Variants in CTNNA2 observed in about 807,000 individuals in gnomAD.
CTNNA2 encodes the protein catenin alpha 2.
Under a neutral mutation model 101.0 loss-of-function variants are expected in CTNNA2, and 42 were observed. The ratio of observed to expected loss-of-function variants is 0.42; its 90% confidence interval spans 0.32 to 0.54. The LOEUF (loss-of-function observed/expected upper bound fraction) is 0.54. Ranked by LOEUF, CTNNA2 falls within the 20% of genes least tolerant of loss-of-function variation. The probability of loss-of-function intolerance (pLI) is 0.14; values close to 1 mark genes in which losing one functional copy is unlikely to be tolerated. For synonymous variants in CTNNA2, 450 were observed against 456.4 expected (o/e 0.99, Z 0.18); for missense variants, 871 against 1,223.1 (o/e 0.71, Z 4.29).
chr2:79,480,233 A>C (rs1671094730), intron 4 of CTNNA2, among the ~76,000 whole-genome samples: 3 of 152,050 alleles, frequency 2.0e-5, no homozygotes, highest in African/African-American at 7.2e-5. Context: ...GGAGGGCATT[A>C]ATCTACTCAT....
intron 8 of CTNNA2, among the ~76,000 whole-genome samples, chr2:80,396,860 T>A (rs887634306): frequency 6.6e-6 from 1 of 152,144 alleles, no homozygotes; most frequent in Non-Finnish European, 1.5e-5. Flanking sequence ...CCACAATGAG[T>A]CCAGCAATGA....
intron 17 of CTNNA2, chr2:80,616,500 T>G (rs1391701670): frequency 6.6e-6 from 1 of 151,730 alleles, no homozygotes; most frequent in African/African-American, 2.4e-5. Context: ...CTCAATCTTT[T>G]GTGCTAAGAA....
At chr2:80,635,785 A>G (rs1033245844) in intron 18 of CTNNA2, among the ~76,000 whole-genome samples, 1 of 152,042 alleles carries the variant, frequency 6.6e-6, no homozygotes, top group Non-Finnish European at 1.5e-5. Context: ...CTATGTGTTG[A>G]GAAGAATGCT....
intron 7 of CTNNA2, among the ~76,000 whole-genome samples, chr2:80,128,250 T>C (rs997686599): frequency 6.6e-6 from 1 of 152,204 alleles, no homozygotes; most frequent in Admixed American, 6.5e-5. Context: ...GGTGCTCTAA[T>C]GGTGGAAAGG....
intron 1 of CTNNA2, among the ~76,000 whole-genome samples, chr2:79,607,469 A>G (rs1347798762): frequency 2.6e-5 from 4 of 152,236 alleles, no homozygotes; most frequent in African/African-American, 9.6e-5. Flanking sequence ...CCAAATACAA[A>G]CAGGTAATTT....
intron 2 of CTNNA2, among the ~76,000 whole-genome samples, chr2:79,246,598 G>A (rs1295154345): frequency 6.6e-6 from 1 of 152,174 alleles, no homozygotes; most frequent in Non-Finnish European, 1.5e-5. Flanking sequence ...AAAGGAATGA[G>A]ACATAGGGAA....
chr2:80,418,878 G>T (rs956042466), intron 8 of CTNNA2, among the ~76,000 whole-genome samples: 1 of 152,158 alleles, frequency 6.6e-6, no homozygotes, highest in African/African-American at 2.4e-5. Flanking sequence ...TTATCTTGAA[G>T]AATAATTATA....
chr2:79,342,802 G>A (rs189836028), intron 3 of CTNNA2, among the ~76,000 whole-genome samples: 1 of 152,192 alleles, frequency 6.6e-6, no homozygotes, highest in East Asian at 1.9e-4. Context: ...TTCTACCTTG[G>A]GAGTATTTAC....
chr2:79,354,542 C>G (rs1052966118), intron 3 of CTNNA2, among the ~76,000 whole-genome samples: 1 of 152,140 alleles, frequency 6.6e-6, no homozygotes, highest in Non-Finnish European at 1.5e-5. Flanking sequence ...ATTTTGTTCT[C>G]TCTTAAAATA....
At chr2:79,469,019 T>A (rs1190400211) in intron 4 of CTNNA2, among the ~76,000 whole-genome samples, 1 of 151,720 alleles carries the variant, frequency 6.6e-6, no homozygotes, top group Non-Finnish European at 1.5e-5. Flanking sequence ...AGGCAAGAAA[T>A]AACTAAGATC....
At chr2:80,374,678 C>T (rs982362683) in intron 7 of CTNNA2, among the ~76,000 whole-genome samples, 42 of 143,224 alleles carry the variant, frequency 2.9e-4, no homozygotes, top group East Asian at 8.7e-4. Flanking sequence ...TGCGTGCGTG[C>T]GTGCGTGTGT....
intron 7 of CTNNA2, among the ~76,000 whole-genome samples, chr2:80,013,590 A>G (rs978207738): frequency 1.3e-5 from 2 of 152,142 alleles, no homozygotes; most frequent in Admixed American, 6.5e-5. Flanking sequence ...CCTTCTGCAG[A>G]ACAGTTTTGG....
chr2:80,231,137 A>G (rs1467662378), intron 7 of CTNNA2, among the ~76,000 whole-genome samples: 9 of 151,798 alleles, frequency 5.9e-5, no homozygotes, highest in Admixed American at 5.9e-4. Context: ...ATCCCCCGCT[A>G]ATTTTTTTGT....
intron 2 of CTNNA2, among the ~76,000 whole-genome samples, chr2:79,301,405 C>T (rs147390352): frequency 1.8e-4 from 28 of 152,120 alleles, no homozygotes; most frequent in African/African-American, 6.3e-4. Flanking sequence ...CTGTGTAGAG[C>T]TCTTGTGCTT....
rs1216751050 is a variant in CTNNA2 at position 80,604,177 on chromosome 2, C to G, written c.2293C>G (p.Gln765Glu). The change falls in exon 16 of 19, where the codon CAG becomes GAG. Residue 765 changes from glutamine (Q) to glutamate (E), a missense_variant and splice_region_variant. By Grantham distance (29) the Gln-to-Glu change is conservative (BLOSUM62 2). Transcript: ENST00000402739. Reference protein sequence around the residue: ...MDKLARAVADQCPDSACKQDL... With the variant: ...MDKLARAVADECPDSACKQDL... ...CAAATTAGCTCGTGCTGTGGCTGATCAGGTAATAGAAGAGGGAAGGGTGGG... is the reference window on the plus strand; with the variant it reads ...CAAATTAGCTCGTGCTGTGGCTGATGAGGTAATAGAAGAGGGAAGGGTGGG... The G allele has an allele frequency of 6.2e-7, 1 of 1,611,876 alleles. No homozygotes were observed. Among genetic ancestry groups the G allele is most frequent in the South Asian group, 1.1e-5 (1 of 91,046 alleles).
At chr2:80,198,990 A>G (rs1441165223) in intron 7 of CTNNA2, among the ~76,000 whole-genome samples, 3 of 151,720 alleles carry the variant, frequency 2.0e-5, no homozygotes, top group Non-Finnish European at 4.4e-5. Flanking sequence ...AGACCAACCT[A>G]GCCAACATAG....
chr2:80,263,163 A>G (rs545208710), intron 7 of CTNNA2, among the ~76,000 whole-genome samples: 62 of 152,212 alleles, frequency 4.1e-4, no homozygotes, highest in Non-Finnish European at 7.9e-4. Context: ...GGATGTCCTT[A>G]CTGATTTTTA....
rs544253221 is a variant in CTNNA2, at chr2:80,407,671, C to G, written c.1138-11778C>G. ...GTAAGCACCTGAATTCCCTGAAAAG[C>G]TAAAGGACCTTGAATCCAACTACGT... On this transcript the variant is annotated intron_variant, in intron 8 of 18. Transcript: ENST00000402739. Among the ~76,000 whole-genome samples the G allele has an allele frequency of 5.0e-4, 76 of 152,188 alleles. 1 individual carries two copies. Among genetic ancestry groups the G allele is most frequent in the South Asian group, 1.0e-3 (5 of 4,832 alleles).
intron 17 of CTNNA2, among the ~76,000 whole-genome samples, chr2:80,609,652 T>C (rs1698300179): frequency 6.6e-6 from 1 of 151,808 alleles, no homozygotes; most frequent in South Asian, 2.1e-4. Context: ...CTTGATGGTA[T>C]AGTTTCCCAT....
Sources: allele counts gnomAD v4.1 joint callset (sites outside exome capture counted in the v4.1 genomes callset), GRCh38; gene constraint gnomAD v4.1.1; transcripts MANE v1.5; gene names NCBI Gene and HGNC (gene_info 2026-07-23, HGNC 2026-07-21).